WDR87: variants seen among roughly 807,000 people sequenced by gnomAD.
WDR87 encodes the protein WD repeat-containing protein 87.
WDR87 carries 56 observed loss-of-function variants against 83.3 expected under a neutral mutation model. The observed-to-expected ratio is 0.67, with a 90% CI of 0.54 to 0.84. The LOEUF is 0.84. Ranked by LOEUF, WDR87 falls within the 40% of genes least tolerant of loss-of-function variation. The probability of loss-of-function intolerance (pLI) is 0.00; values close to 1 mark genes in which losing one functional copy is unlikely to be tolerated. For synonymous variants in WDR87, 1,173 were observed against 1,250.6 expected, an observed-to-expected ratio of 0.94 and a Z score of 1.31; for missense variants, 2,939 against 3,431.9, an observed-to-expected ratio of 0.86 and a Z score of 3.59.
rs2046225923 is a variant in WDR87 at position 37,893,515 on chromosome 19, C to G, written c.2188G>C (p.Gly730Arg). 3 of 1,551,778 alleles carry G rather than the reference C, an allele frequency of 1.9e-6. No individual in the cohort carries two copies. In the Admixed American group the frequency reaches 5.9e-5, roughly 30 times the overall value. Residue 730 changes from glycine to arginine, a missense_variant, in exon 4 of 6, where the codon GGT becomes CGT. Physicochemically the swap from Gly to Arg is moderately radical, Grantham distance 125 (BLOSUM62 -2). Coordinates refer to ENST00000447313, the MANE Select transcript of WDR87 (RefSeq NM_001291088.2). Reference protein sequence around the residue: ...YPGQAQQKLVGLEKLVNNRAI... With the variant: ...YPGQAQQKLVRLEKLVNNRAI... ...CGGTTGTTGACAAGTTTCTCCAGAC[C>G]CACTAATTTCTGTTGCGCTTGTCCA...
rs1417500780 is a variant in WDR87, at chr19:37,891,702, T to A, written c.3244A>T (p.Arg1082Ter). 2 of 1,551,938 alleles carry A rather than the reference T, an allele frequency of 1.3e-6. No individual in the cohort carries two copies. Residue 1082 changes from arginine to a stop codon, truncating the protein, a stop_gained, in exon 5 of 6, where the codon AGA (arginine) becomes TGA (stop). Coordinates refer to ENST00000447313, the MANE Select transcript of WDR87 (RefSeq NM_001291088.2). LOFTEE classifies it high-confidence loss of function. Reference sequence around the variant, plus strand: ...AAAGAAAAAGCCGGCTTTTCATCTCTATGTGACAGGGTCAGGTTTTCATTC... The same window carrying A: ...AAAGAAAAAGCCGGCTTTTCATCTCAATGTGACAGGGTCAGGTTTTCATTC... ...RLNENLTLSH[R>*]DEKPAFSLDV...
chr19:37,895,009 C>G lies in WDR87; in HGVS notation c.694G>C (p.Val232Leu). 1 of 1,551,694 alleles carries G rather than the reference C, an allele frequency of 6.4e-7. No individual in the cohort carries two copies. The highest frequency in any genetic ancestry group is 8.7e-7 in the Non-Finnish European group (1 of 1,146,976). Residue 232 changes from valine (V) to leucine (L), a missense_variant, in exon 4 of 6, where the codon GTA becomes CTA. Val to Leu is a conservative substitution (Grantham distance 32, BLOSUM62 1). This residue lies in a region of WDR87 where 226 missense variants were observed against 320.9 expected (regional missense o/e 0.70). Transcript: ENST00000447313. ...CTGCTGGTGGACGTGAACCTCTTTACCTCTCCCAGCTGGCCCTTGCCCTGG... is the reference window on the plus strand; with the variant it reads ...CTGCTGGTGGACGTGAACCTCTTTAGCTCTCCCAGCTGGCCCTTGCCCTGG... ...MHQGKGQLGE[V>L]KRFTSTSSGS...
rs2046133391 is a variant in WDR87, at chr19:37,885,299, T to A, written c.8372A>T (p.Glu2791Val). The change falls in exon 6 of 6, where the codon GAA becomes GTA. Residue 2791 changes from glutamate to valine, a missense_variant. By Grantham distance (121) the Glu-to-Val change is moderately radical. Coordinates refer to ENST00000447313, the MANE Select transcript of WDR87 (RefSeq NM_001291088.2). The stretch of plus-strand genomic sequence containing the variant: ...CAGGTCCATGAGCTGGTAGAACTGT[T>A]CCATCCAAGCAGTGCTGTCTTTTGG... ...RYPKDSTAWM[E>V]QFYQLMDLYQ... 1.3e-6 allele frequency: 2 copies of A among 1,549,592 alleles called. No individual in the cohort carries two copies. The highest frequency in any genetic ancestry group is 2.0e-5 in the Admixed American group (1 of 50,754).
In WDR87 at chr19:37,893,484, A is replaced by G. The variant is rs1052627525; in HGVS notation, c.2219T>C (p.Ile740Thr). The G allele has an allele frequency of 1.9e-6, 3 of 1,551,794 alleles. No homozygotes were observed. The highest frequency in any genetic ancestry group is 2.0e-5 in the Admixed American group (1 of 50,976). The change falls in exon 4 of 6, where the codon ATT becomes ACT. Residue 740 changes from isoleucine (I) to threonine (T), a missense_variant. Around this residue, in one of 3 missense-constraint regions of WDR87, gnomAD observed 2,160 missense variants for 2,533.1 expected, o/e 0.85. Coordinates refer to ENST00000447313, the MANE Select transcript of WDR87 (RefSeq NM_001291088.2). ...GLEKLVNNRA[I>T]AFDHSVPHVI... The stretch of plus-strand genomic sequence containing the variant: ...ATGTGGCACAGAATGGTCAAAGGCA[A>G]TGGCCCGGTTGTTGACAAGTTTCTC...
Position 37,885,989 on chromosome 19 carries a change from A to C in WDR87, c.7682T>G (p.Leu2561Arg). 1 of 1,551,946 alleles carries C rather than the reference A, an allele frequency of 6.4e-7. No homozygotes were observed. The highest frequency in any genetic ancestry group is 8.7e-7 in the Non-Finnish European group (1 of 1,147,046). The change falls in exon 6 of 6, where the codon CTC becomes CGC. Residue 2561 changes from leucine (L) to arginine (R), a missense_variant. This residue lies in a region of WDR87 where 2,160 missense variants were observed against 2,533.1 expected (regional missense o/e 0.85). Transcript: ENST00000447313. Reference protein sequence around the residue: ...PAKEQHADVSLSDVEWIRHVL... With the variant: ...PAKEQHADVSRSDVEWIRHVL... The stretch of plus-strand genomic sequence containing the variant: ...ATGGCGGATCCACTCTACATCTGAG[A>C]GGCTTACGTCTGCATGTTGTTCCTT...
At chr19:37,898,072 T>G in intron 2 of WDR87, 93 bp downstream of exon 2, 1 of 1,457,362 alleles carries the variant, frequency 6.9e-7, no homozygotes, top group Non-Finnish European at 9.3e-7. Flanking sequence ...CTTCCTGTTC[T>G]CAAGGACAAT....
chr19:37,888,689 T>G lies in WDR87; in HGVS notation c.4982A>C (p.Lys1661Thr). 6.4e-7 allele frequency: 1 copy of G among 1,551,932 alleles called. No homozygotes were observed. Among genetic ancestry groups the G allele is most frequent in the Non-Finnish European group, 8.7e-7 (1 of 1,147,052 alleles). The part of the protein sequence containing the change: ...EERKLAQAYV[K>T]ITQDDREMAQ... ...CATTTCCCTGTCATCCTGGGTTATT[T>G]TCACGTATGCCTGGGCCAGTTTTCT... is the stretch of plus-strand genomic sequence containing the variant. Residue 1661 changes from lysine to threonine, a missense_variant, in exon 6 of 6, where the codon AAA becomes ACA. By Grantham distance (78) the Lys-to-Thr change is moderately conservative. Transcript: ENST00000447313.
In WDR87 at chr19:37,885,083, G is replaced by A. The variant is rs372915097; in HGVS notation, c.8588C>T (p.Ala2863Val). ...ACAGTTCTGCCATGGGAGGGGTACC[G>A]CACCCTGGAACTCCTGAGGACTTCT... ...TPRSPQEFQG[A>V]VPLPWQNCVR... Residue 2863 changes from alanine to valine, a missense_variant, in exon 6 of 6, where the codon GCG (alanine) becomes GTG (valine). Ala to Val is a moderately conservative substitution (Grantham distance 64). Transcript: ENST00000447313. The A allele has an allele frequency of 3.6e-5, 53 of 1,467,126 alleles. No individual in the cohort carries two copies. Among genetic ancestry groups the A allele is most frequent in the Admixed American group, 3.3e-4 (12 of 36,608 alleles). The allele number at this position is 1,467,126 out of a possible 1,614,324, so 90.9% of individuals were successfully genotyped here.
rs917503879 is a variant in WDR87, at chr19:37,888,740, T to C, written c.4931A>G (p.Glu1644Gly). The C allele has an allele frequency of 7.1e-6, 11 of 1,551,916 alleles. No individual in the cohort carries two copies. The highest frequency in any genetic ancestry group is 8.7e-6 in the Non-Finnish European group (10 of 1,147,060). ...LAQEEEKLAQ[E>G]ERQLAQEERK... The stretch of plus-strand genomic sequence containing the variant: ...CTCTTCCTGGGCCAACTGTCTCTCT[T>C]CTTGTGCAAGTTTCTCTTCTTCTTG... The change falls in exon 6 of 6, where the codon GAA (glutamate) becomes GGA (glycine). Residue 1644 changes from glutamate (E) to glycine (G), a missense_variant. Glu to Gly is a moderately conservative substitution (Grantham distance 98, BLOSUM62 -2). Transcript: ENST00000447313.
Position 37,893,257 on chromosome 19 carries a change from A to G in WDR87, c.2446T>C (p.Trp816Arg). 3 of 1,551,856 alleles carry G rather than the reference A, an allele frequency of 1.9e-6. No homozygotes were observed. The highest frequency in any genetic ancestry group is 2.6e-6 in the Non-Finnish European group (3 of 1,147,040). ...LRYYFGHGRE[W>R]LFAPDCYIPN... ...ATATAGCAGTCAGGGGCAAAAAGCC[A>G]TTCCCGCCCATGACCAAAGTAGTAT... The change falls in exon 4 of 6, where the codon TGG (tryptophan) becomes CGG (arginine). Residue 816 changes from tryptophan to arginine, a missense_variant. Transcript: ENST00000447313.
rs1486332909 is a variant in WDR87 at position 37,888,317 on chromosome 19, T to G, written c.5354A>C (p.Lys1785Thr). The change falls in exon 6 of 6, where the codon AAG (lysine) becomes ACG (threonine). Residue 1785 changes from lysine (K) to threonine (T), a missense_variant. Transcript: ENST00000447313. ...CTCCTCTTCCTCAGCCAGTTTCTTC[T>G]TTTCCTCAACCAGTTTCCCCTCTTC... ...NQEEGKLVEE[K>T]KKLAEEEEAL... 6.4e-7 allele frequency: 1 copy of G among 1,551,622 alleles called. No individual in the cohort carries two copies. The highest frequency in any genetic ancestry group is 8.7e-7 in the Non-Finnish European group (1 of 1,146,984).
Position 37,889,479 on chromosome 19 carries a change from C to T in WDR87, c.4192G>A (p.Gly1398Ser), listed in dbSNP as rs371151906. Residue 1398 changes from glycine (G) to serine (S), a missense_variant, in exon 6 of 6, where the codon GGC becomes AGC. Physicochemically the swap from Gly to Ser is moderately conservative, Grantham distance 56. Coordinates refer to ENST00000447313, the MANE Select transcript of WDR87 (RefSeq NM_001291088.2). ...AAAATCACTTGGGTTTCCTCCAAGC[C>T]CAGCATGTCTCTTGCTTTCTTTTGT... ...QAQKKARDML[G>S]LEETQVILKK... 9.0e-6 allele frequency: 14 copies of T among 1,551,642 alleles called. No individual in the cohort carries two copies. In the African/African-American group the frequency reaches 1.6e-4, roughly 18 times the overall value.
Position 37,885,442 on chromosome 19 carries a change from A to T in WDR87, c.8229T>A (p.Pro2743=). Reference sequence around the variant, plus strand: ...TCTTCTTCTCTAACTTGGGCAGTTTAGGAAACCTGCGTTTATCCTTAAAAT... The same window carrying T: ...TCTTCTTCTCTAACTTGGGCAGTTTTGGAAACCTGCGTTTATCCTTAAAAT... ...FWDFKDKRRF[P]KLPKLEKKTQ... The change falls in exon 6 of 6, where the codon CCT becomes CCA. Residue 2743 remains proline, a synonymous_variant. Transcript: ENST00000447313. 6.4e-7 allele frequency: 1 copy of T among 1,551,722 alleles called. No homozygotes were observed. Among genetic ancestry groups the T allele is most frequent in the East Asian group, 2.4e-5 (1 of 40,918 alleles).
chr19:37,887,344 T>C lies in WDR87; in HGVS notation c.6327A>G (p.Pro2109=). 6.4e-7 allele frequency: 1 copy of C among 1,551,726 alleles called. No individual in the cohort carries two copies. The highest frequency in any genetic ancestry group is 8.7e-7 in the Non-Finnish European group (1 of 1,146,976). The change falls in exon 6 of 6, where the codon CCA becomes CCG. Residue 2109 remains proline, a synonymous_variant. Coordinates refer to ENST00000447313, the MANE Select transcript of WDR87 (RefSeq NM_001291088.2). ...CCTTTAAGATTTTGTTCAGTTTTGC[T>C]GGTTCCTTGGAAAGGCTCTCCCTTT... ...IKKRESLSKE[P]AKLNKILKAL...
In WDR87 at chr19:37,887,575, A is replaced by G. The variant is rs1406165272; in HGVS notation, c.6096T>C (p.Ser2032=). 8.4e-6 allele frequency: 13 copies of G among 1,551,716 alleles called. No homozygotes were observed. Among genetic ancestry groups the G allele is most frequent in the Non-Finnish European group, 1.0e-5 (12 of 1,147,028 alleles). Residue 2032 remains serine, a synonymous_variant, in exon 6 of 6, where the codon TCT becomes TCC. Transcript: ENST00000447313. ...CAACTTGAGTCATTTTCCTTTGTCTAGAAGTTTCTGGAGTCTCTCCCTTAG... is the reference window on the plus strand; with the variant it reads ...CAACTTGAGTCATTTTCCTTTGTCTGGAAGTTTCTGGAGTCTCTCCCTTAG... ...TLSKGETPET[S]RQRKMTQVEQ...
rs1357489081 is a variant in WDR87 at position 37,893,402 on chromosome 19, A to G, written c.2301T>C (p.Tyr767=). The change falls in exon 4 of 6, where the codon TAT becomes TAC. Residue 767 remains tyrosine (Y), a synonymous_variant. Coordinates refer to ENST00000447313, the MANE Select transcript of WDR87 (RefSeq NM_001291088.2). ...TCCAATCTTCCATGTCCTGCAAAGA[A>G]TAATGCATGGAGGAACGCAGTAACA... ...SPVLLRSSMH[Y]SLQDMEDWMQ... is the part of the protein sequence containing the mutation. 6.4e-7 allele frequency: 1 copy of G among 1,552,116 alleles called. No individual in the cohort carries two copies. Among genetic ancestry groups the G allele is most frequent in the Non-Finnish European group, 8.7e-7 (1 of 1,147,130 alleles).
At chr19:37,891,456 C>G in intron 5 of WDR87, 96 bp downstream of exon 5, 1 of 1,445,580 alleles carries the variant, frequency 6.9e-7, no homozygotes, top group Non-Finnish European at 9.2e-7. Context: ...GCCATCATGT[C>G]CCGCCAGCCC....
Position 37,886,515 on chromosome 19 carries a change from C to CT in WDR87, c.7155dup (p.Glu2386ArgfsTer5). On this transcript the variant is annotated frameshift_variant, in exon 6 of 6. Coordinates refer to ENST00000447313, the MANE Select transcript of WDR87 (RefSeq NM_001291088.2). LOFTEE classifies it low-confidence loss of function (END_TRUNC). Reference sequence around the variant, plus strand: ...TGTTCTTGTAACTTAAATTGTTTTTCTTTTTTTAAGATCTCTTTTTCCCTG... The same window carrying CT: ...TGTTCTTGTAACTTAAATTGTTTTTCTTTTTTTTAAGATCTCTTTTTCCCTG... 6 of 1,503,912 alleles carry CT rather than the reference C, an allele frequency of 4.0e-6. No individual in the cohort carries two copies. The highest frequency in any genetic ancestry group is 2.6e-5 in the Admixed American group (1 of 37,870). 93.2% of individuals were successfully genotyped at this position (1,503,912 alleles called of 1,614,324 possible). A position where few individuals can be genotyped will look rare whatever the true frequency, so the allele number is the denominator to read the frequency against.
rs1266049906 is a variant in WDR87 at position 37,886,098 on chromosome 19, C to A, written c.7573G>T (p.Gly2525Cys). The change falls in exon 6 of 6, where the codon GGT (glycine) becomes TGT (cysteine). Residue 2525 changes from glycine to cysteine, a missense_variant. Physicochemically the swap from Gly to Cys is radical, Grantham distance 159. Transcript: ENST00000447313. ...TGCAAAAACCACTTCCACCAGGCAC[C>A]TAGTGGTTTGTGTTGGAGTTCCTCA... ...EAEELQHKPL[G>C]AWWKWFLQHP... 1 of 1,551,716 alleles carries A rather than the reference C, an allele frequency of 6.4e-7. No individual in the cohort carries two copies. Among genetic ancestry groups the A allele is most frequent in the African/African-American group, 1.4e-5 (1 of 73,154 alleles).
Sources: allele counts gnomAD v4.1 joint callset, GRCh38; gene constraint gnomAD v4.1.1; regional missense constraint gnomAD v4.1.1; transcripts MANE v1.5; gene names NCBI Gene and HGNC (gene_info 2026-07-23, HGNC 2026-07-21).